The following GOLGA4 variants were observed in gnomAD, a reference collection of about 807,000 sequenced individuals.
GOLGA4 encodes golgin subfamily A member 4.
A neutral mutation model predicts 265.9 loss-of-function variants in GOLGA4; 169 were observed. The ratio of observed to expected loss-of-function variants is 0.64; its 90% CI spans 0.56 to 0.72. The LOEUF is 0.72. Ranked by LOEUF, GOLGA4 falls within the 30% of genes least tolerant of loss-of-function variation. The pLI, the probability that GOLGA4 is intolerant of heterozygous loss-of-function variation, is 0.00. For missense variants in GOLGA4, 2,482 were observed against 2,483.4 expected (o/e 1.00, Z 0.01); for synonymous variants, 923 against 855.8 (o/e 1.08, Z -1.37).
chr3:37,337,131 C>A lies in GOLGA4; in HGVS notation c.6307-12C>A. On this transcript the variant is annotated splice_polypyrimidine_tract_variant and intron_variant, in intron 17 of 23. Coordinates refer to ENST00000361924, the MANE Select transcript of GOLGA4 (RefSeq NM_002078.5). ...TTGTATACACTCATGTTTTTTCTTT[C>A]CATTTTTTCAGGTAACAATTATGGA... 1.4e-6 allele frequency: 2 copies of A among 1,429,624 alleles called. No individual in the cohort carries two copies. The highest frequency in any genetic ancestry group is 1.9e-6 in the Non-Finnish European group (2 of 1,026,260). 88.6% of individuals were successfully genotyped at this position (1,429,624 alleles called of 1,614,324 possible).
At chr3:37,361,704 C>T (rs1037627766) in intron 23 of GOLGA4, among the ~76,000 whole-genome samples, 4 of 152,008 alleles carry the variant, frequency 2.6e-5, no homozygotes, top group Admixed American at 6.6e-5. Context: ...TGGTATATTC[C>T]GTGAGAATTC....
At chr3:37,359,242 A>T (rs990735838) in intron 22 of GOLGA4, among the ~76,000 whole-genome samples, 1 of 152,162 alleles carries the variant, frequency 6.6e-6, no homozygotes, top group Admixed American at 6.5e-5. Flanking sequence ...TGAATACATA[A>T]GTTCTTGGCT....
At chr3:37,336,931 G>A (rs1240580750) in intron 17 of GOLGA4, among the ~76,000 whole-genome samples, 1 of 151,778 alleles carries the variant, frequency 6.6e-6, no homozygotes, top group Non-Finnish European at 1.5e-5. Context: ...ATCTTAAATT[G>A]CAATATGTAT....
intron 22 of GOLGA4, 98 bp from the exon 23 acceptor site, chr3:37,361,145 G>C (rs1696230273): frequency 1.1e-6 from 1 of 945,352 alleles, no homozygotes; most frequent in African/African-American, 1.6e-5. Context: ...TTTAAGTACA[G>C]TCTGTAATCC....
intron 10 of GOLGA4, among the ~76,000 whole-genome samples, chr3:37,308,224 A>G: frequency 6.6e-6 from 1 of 150,770 alleles, no homozygotes; most frequent in East Asian, 2.0e-4. Context: ...CAAGAACGAA[A>G]CTCTGTCTCA....
At chr3:37,291,689 T>G (rs2150819506) in intron 5 of GOLGA4, among the ~76,000 whole-genome samples, 1 of 152,272 alleles carries the variant, frequency 6.6e-6, no homozygotes, top group South Asian at 2.1e-4. Context: ...TGCTGCCAAT[T>G]AGATTTGCAA....
At chr3:37,357,602 T>C (rs1287604752) in intron 22 of GOLGA4, among the ~76,000 whole-genome samples, 2 of 152,180 alleles carry the variant, frequency 1.3e-5, no homozygotes, top group Admixed American at 6.5e-5. Context: ...TTAAGGAGAT[T>C]CTTGATACTT....
At chr3:37,256,081 T>G (rs2096747875) in intron 2 of GOLGA4, among the ~76,000 whole-genome samples, 1 of 152,102 alleles carries the variant, frequency 6.6e-6, no homozygotes, top group Non-Finnish European at 1.5e-5. Context: ...AGGGATCAAG[T>G]TTCATCCCCT....
At chr3:37,314,100 C>G (rs2150922972) in intron 10 of GOLGA4, among the ~76,000 whole-genome samples, 1 of 152,006 alleles carries the variant, frequency 6.6e-6, no homozygotes, top group Non-Finnish European at 1.5e-5. Context: ...TTCCAAGTAG[C>G]TGGGATTACA....
In GOLGA4 at chr3:37,329,062, G is replaced by A. The variant is rs549464675; in HGVS notation, c.6161G>A (p.Arg2054Gln). ...GCTGAGAAAGATGATGATCTAAAAC[G>A]AACAGCCAAAAGATATGAAGAAATC... ...KIAEKDDDLK[R>Q]TAKRYEEILD... is the part of the protein sequence containing the mutation. The change falls in exon 16 of 24, where the codon CGA (arginine) becomes CAA (glutamine). Residue 2054 changes from arginine (R) to glutamine (Q), a missense_variant. Physicochemically the swap from Arg to Gln is conservative, Grantham distance 43. Around this residue, in one of 3 missense-constraint regions of GOLGA4, gnomAD observed 942 missense variants for 983.1 expected, o/e 0.96. Transcript: ENST00000361924. 12 of 1,609,296 alleles carry A rather than the reference G, an allele frequency of 7.5e-6. No individual in the cohort carries two copies. Among genetic ancestry groups the A allele is most frequent in the East Asian group, 4.5e-5 (2 of 44,650 alleles).
intron 5 of GOLGA4, among the ~76,000 whole-genome samples, chr3:37,294,727 G>A (rs572250798): frequency 6.6e-6 from 1 of 152,202 alleles, no homozygotes; most frequent in East Asian, 1.9e-4. Flanking sequence ...TATTATCAGT[G>A]CAGCCATCAT....
chr3:37,364,309 C>T (rs904715930), intron 23 of GOLGA4, among the ~76,000 whole-genome samples: 3 of 152,112 alleles, frequency 2.0e-5, no homozygotes, highest in African/African-American at 4.8e-5. Context: ...GGCGCAATCT[C>T]GGCTCACTGC....
intron 2 of GOLGA4, among the ~76,000 whole-genome samples, chr3:37,265,586 ATACT>A (rs746934926): frequency 4.8e-4 from 73 of 152,338 alleles, no homozygotes; most frequent in Middle Eastern, 3.4e-3. Flanking sequence ...AAAGCTGTAC[ATACT>A]TAATGTATAC....
intron 1 of GOLGA4, among the ~76,000 whole-genome samples, chr3:37,247,671 C>G (rs533342124): frequency 6.6e-6 from 1 of 152,278 alleles, no homozygotes; most frequent in South Asian, 2.1e-4. Context: ...TGACTGGGTT[C>G]TCTGCTCAGG....
chr3:37,261,026 C>T (rs2096768411), intron 2 of GOLGA4, among the ~76,000 whole-genome samples: 1 of 150,846 alleles, frequency 6.6e-6, no homozygotes, highest in African/African-American at 2.4e-5. Flanking sequence ...AAAAATTAGC[C>T]AGGTGTGGTG....
Position 37,327,197 on chromosome 3 carries a change from T to C in GOLGA4, c.5311T>C (p.Cys1771Arg), listed in dbSNP as rs752502981. The C allele has an allele frequency of 1.3e-5, 21 of 1,613,754 alleles. No homozygotes were observed. The highest frequency in any genetic ancestry group is 1.8e-5 in the Non-Finnish European group (21 of 1,179,884). ...AGTTTCTTCTCATTTTGAAATGCGA[T>C]GCCAATACCAGGAGCGCTTAATAAA... Reference protein sequence around the residue: ...ETVSSHFEMRCQYQERLIKLE... With the variant: ...ETVSSHFEMRRQYQERLIKLE... The change falls in exon 14 of 24, where the codon TGC becomes CGC. Residue 1771 changes from cysteine (C) to arginine (R), a missense_variant. Around this residue, in one of 3 missense-constraint regions of GOLGA4, gnomAD observed 942 missense variants for 983.1 expected, o/e 0.96. Coordinates refer to ENST00000361924, the MANE Select transcript of GOLGA4 (RefSeq NM_002078.5).
chr3:37,365,984 T>C (rs964323131), intron 23 of GOLGA4, 96 bp from the exon 24 acceptor site: 1 of 1,077,772 alleles, frequency 9.3e-7, no homozygotes, highest in Non-Finnish European at 1.3e-6. Context: ...GAATTTTATT[T>C]CAAACTTGAA....
At chr3:37,343,083 G>T (rs1189910191) in intron 20 of GOLGA4, among the ~76,000 whole-genome samples, 1 of 152,006 alleles carries the variant, frequency 6.6e-6, no homozygotes, top group Non-Finnish European at 1.5e-5. Context: ...TGGGAGAGAT[G>T]GGGTTTCACC....
At chr3:37,250,235 A>G (rs192603286) in intron 1 of GOLGA4, 2 of 152,370 alleles carry the variant, frequency 1.3e-5, no homozygotes, top group East Asian at 3.9e-4. Flanking sequence ...TTGTAGAAAT[A>G]GACTCTTGAA....
Sources: allele counts gnomAD v4.1 joint callset (sites outside exome capture counted in the v4.1 genomes callset), GRCh38; gene constraint gnomAD v4.1.1; regional missense constraint gnomAD v4.1.1; transcripts MANE v1.5; gene names NCBI Gene and HGNC (gene_info 2026-07-23, HGNC 2026-07-21).